The following IL1RAPL2 variants were observed in gnomAD, a reference collection of about 807,000 sequenced individuals.
IL1RAPL2 encodes the protein X-linked interleukin-1 receptor accessory protein-like 2.
A neutral mutation model predicts 44.1 loss-of-function variants in IL1RAPL2; 3 were observed. The ratio of observed to expected loss-of-function variants is 0.07; its 90% CI spans 0.03 to 0.18. IL1RAPL2 has a LOEUF of 0.18. IL1RAPL2 is among the 10% of genes least tolerant of loss of function. The pLI is 1.00. For missense variants in IL1RAPL2, 391 were observed against 496.4 expected, an observed-to-expected ratio of 0.79 and a Z score of 2.02; for synonymous variants, 181 against 178.8, an observed-to-expected ratio of 1.01 and a Z score of -0.10.
At chrX:104,633,357 A>C (rs1322729381) in intron 1 of IL1RAPL2, among the ~76,000 whole-genome samples, 3 of 111,846 alleles carry the variant, frequency 2.7e-5, no homozygotes, top group African/African-American at 9.7e-5. Context: ...TGGCCTCATA[A>C]AATGAGTTAG....
intron 2 of IL1RAPL2, among the ~76,000 whole-genome samples, chrX:104,950,993 C>A (rs1045983972): frequency 8.0e-5 from 9 of 112,092 alleles, no homozygotes; most frequent in Admixed American, 7.5e-4. Flanking sequence ...ACTCCCTGAC[C>A]CCTTGCGCTT....
chrX:105,229,086 C>G (rs781928992), intron 3 of IL1RAPL2, among the ~76,000 whole-genome samples: 72 of 111,893 alleles, frequency 6.4e-4, no homozygotes, highest in Admixed American at 1.6e-3. Flanking sequence ...AATACCATCT[C>G]CATTCTTGCA....
At chrX:105,307,912 C>T (rs1311626260) in intron 5 of IL1RAPL2, among the ~76,000 whole-genome samples, 2 of 107,277 alleles carry the variant, frequency 1.9e-5, no homozygotes, top group Non-Finnish European at 3.8e-5. Context: ...CTGTTCAAAG[C>T]TCATTTTATG....
intron 2 of IL1RAPL2, among the ~76,000 whole-genome samples, chrX:104,905,537 C>A (rs1193614363): frequency 9.0e-6 from 1 of 111,658 alleles, no homozygotes; most frequent in East Asian, 2.8e-4. Flanking sequence ...GCCAATTTTC[C>A]CAGCACTATT....
chrX:104,795,876 A>G (rs1932847082), intron 2 of IL1RAPL2, among the ~76,000 whole-genome samples: 1 of 112,062 alleles, frequency 8.9e-6, no homozygotes, highest in Non-Finnish European at 1.9e-5. Context: ...ACAGATGACA[A>G]TCTGAAGTTC....
intron 2 of IL1RAPL2, among the ~76,000 whole-genome samples, chrX:104,904,088 C>T (rs1238163597): frequency 9.1e-6 from 1 of 110,102 alleles, no homozygotes; most frequent in Non-Finnish European, 1.9e-5. Flanking sequence ...CATATGCTTG[C>T]CTTCTATTCA....
chrX:105,032,322 G>A (rs972634451), intron 2 of IL1RAPL2, among the ~76,000 whole-genome samples: 37 of 107,172 alleles, frequency 3.5e-4, no homozygotes, highest in Middle Eastern at 4.3e-3. Context: ...TGATGTTAGG[G>A]TGTCAATTTT....
At position 105,665,726 on chromosome X, in the gene IL1RAPL2, GTT is replaced by G. The variant is rs745949698; in HGVS notation, c.773-51635_773-51634del. 8.9e-3 allele frequency among the ~76,000 whole-genome samples: 668 copies of G among 75,187 alleles called. 11 individuals are homozygous for G. The highest frequency in any genetic ancestry group is 0.027 in the Middle Eastern group (4 of 147). The allele number at this position is 75,187 out of a possible 115,157, so 65.3% of individuals were successfully genotyped here. A position where few individuals can be genotyped will look rare whatever the true frequency, so the allele number is the denominator to read the frequency against. ...TGTCCTTTCAATAGTTTTTATTTTTGTTTTTTTGTTTTTTTGTTTTTTTTTTT... is the reference window on the plus strand; with the variant it reads ...TGTCCTTTCAATAGTTTTTATTTTTGTTTTTGTTTTTTTGTTTTTTTTTTT... On this transcript the variant is annotated intron_variant, in intron 6 of 10. Coordinates refer to ENST00000372582, the MANE Select transcript of IL1RAPL2 (RefSeq NM_017416.2).
intron 2 of IL1RAPL2, among the ~76,000 whole-genome samples, chrX:105,082,917 G>T (rs1046703202): frequency 9.0e-6 from 1 of 110,917 alleles, no homozygotes; most frequent in Non-Finnish European, 1.9e-5. Context: ...ACAACTCCTC[G>T]CCAGCAAGGA....
intron 5 of IL1RAPL2, among the ~76,000 whole-genome samples, chrX:105,428,655 A>G (rs1012255615): frequency 1.8e-5 from 2 of 112,311 alleles, no homozygotes; most frequent in Non-Finnish European, 1.9e-5. Flanking sequence ...GATTTAAAGC[A>G]GACTTTCAAG....
chrX:105,581,821 A>T (rs2037091077), intron 6 of IL1RAPL2, among the ~76,000 whole-genome samples: 2 of 111,292 alleles, frequency 1.8e-5, no homozygotes, highest in African/African-American at 6.5e-5. Flanking sequence ...TCACCATATA[A>T]TCCAAGATCT....
chrX:104,852,507 T>G lies in IL1RAPL2; in HGVS notation c.82+193512T>G, dbSNP rs1299161732. On this transcript the variant is annotated intron_variant, in intron 2 of 10. Transcript: ENST00000372582. ...CTCCCTTTATAGCCTCCTCCAGTTCTATTTGTCATGGTTTTTAACACAAGC... is the reference window on the plus strand; with the variant it reads ...CTCCCTTTATAGCCTCCTCCAGTTCGATTTGTCATGGTTTTTAACACAAGC... Among the ~76,000 whole-genome samples, 3 of 112,381 alleles carry G rather than the reference T, an allele frequency of 2.7e-5. No homozygotes were observed. In the East Asian group the frequency reaches 8.4e-4, roughly 32 times the overall value.
chrX:104,647,391 C>T (rs1055070131), intron 1 of IL1RAPL2: 1 of 552,257 alleles, frequency 1.8e-6, no homozygotes, highest in African/African-American at 2.2e-5. Flanking sequence ...TTCTGCTGCT[C>T]AGCCTTTTCC....
Position 105,218,925 on chromosome X carries a change from G to A in IL1RAPL2, c.357-14893G>A, listed in dbSNP as rs782396092. 3.6e-6 allele frequency: 4 copies of A among 1,110,079 alleles called. No homozygotes were observed. In the South Asian group the frequency reaches 8.6e-5, roughly 24 times the overall value. 91.5% of individuals were successfully genotyped at this position (1,110,079 alleles called of 1,213,427 possible). A position where few individuals can be genotyped will look rare whatever the true frequency, so the allele number is the denominator to read the frequency against. ...GCCCTCTGAAAATTAATTCGCCATC[G>A]AGATATACATGCTTCGGTTCTATTT... On this transcript the variant is annotated intron_variant, in intron 3 of 10. Coordinates refer to ENST00000372582, the MANE Select transcript of IL1RAPL2 (RefSeq NM_017416.2).
At chrX:105,444,862 C>T (rs1164932615) in intron 5 of IL1RAPL2, among the ~76,000 whole-genome samples, 1 of 110,741 alleles carries the variant, frequency 9.0e-6, no homozygotes, top group East Asian at 2.8e-4. Flanking sequence ...TTTTTTTATT[C>T]TCATGTGTCT....
chrX:105,366,969 A>G (rs1799094955), intron 5 of IL1RAPL2, among the ~76,000 whole-genome samples: 1 of 111,515 alleles, frequency 9.0e-6, no homozygotes, highest in African/African-American at 3.3e-5. Flanking sequence ...ATTATAATTT[A>G]TCTCTCCATT....
intron 2 of IL1RAPL2, among the ~76,000 whole-genome samples, chrX:105,106,390 A>T (rs1233704053): frequency 9.0e-6 from 1 of 110,761 alleles, no homozygotes; most frequent in Non-Finnish European, 1.9e-5. Context: ...GAGTCATTTT[A>T]TCTTTTTGGA....
intron 2 of IL1RAPL2, among the ~76,000 whole-genome samples, chrX:105,029,753 T>G (rs991824068): frequency 9.0e-6 from 1 of 111,220 alleles, no homozygotes; most frequent in African/African-American, 3.3e-5. Flanking sequence ...TTATAATCCT[T>G]TGGGTATATA....
intron 2 of IL1RAPL2, among the ~76,000 whole-genome samples, chrX:104,923,047 A>G (rs1310035898): frequency 9.0e-6 from 1 of 111,551 alleles, no homozygotes; most frequent in East Asian, 2.8e-4. Context: ...TAAACCAAGC[A>G]GAAGAAAGAA....
Sources: allele counts gnomAD v4.1 joint callset (sites outside exome capture counted in the v4.1 genomes callset), GRCh38; gene constraint gnomAD v4.1.1; transcripts MANE v1.5; gene names NCBI Gene and HGNC (gene_info 2026-07-23, HGNC 2026-07-21).